Variants in HYDIN observed in about 807,000 individuals in gnomAD.
The protein encoded by HYDIN is axonemal central pair apparatus protein HYDIN.
In HYDIN, 132 loss-of-function variants were observed where a neutral mutation model predicts 403.9. The observed-to-expected ratio is 0.33, with a 90% confidence interval of 0.28 to 0.38. The LOEUF is 0.38. Ranked by LOEUF, HYDIN falls within the 10% of genes least tolerant of loss-of-function variation. HYDIN has a pLI of 1.00. For synonymous variants in HYDIN, 1,202 were observed against 1,891.7 expected (o/e 0.64, Z 9.46); for missense variants, 2,827 against 5,009.5 (o/e 0.56, Z 13.15).
At chr16:70,883,865 C>T in intron 59 of HYDIN, 55 bp downstream of exon 59, 1 of 1,561,436 alleles carries the variant, frequency 6.4e-7, no homozygotes, top group Non-Finnish European at 8.7e-7. Flanking sequence ...GCCACTGCAC[C>T]AGGTCTCAGA....
chr16:71,098,199 CTTTCTTTT>C (rs371335315), intron 10 of HYDIN, among the ~76,000 whole-genome samples: 12,244 of 133,036 alleles, frequency 0.092, 1,776 homozygotes, highest in African/African-American at 0.32. Context: ...ATAAAACTTT[CTTTCTTTT>C]TTTTTTTTTT....
At chr16:70,931,929 C>A (rs746715214) in intron 45 of HYDIN, among the ~76,000 whole-genome samples, 1 of 133,510 alleles carries the variant, frequency 7.5e-6, no homozygotes, top group Non-Finnish European at 1.6e-5. Context: ...ACAGGAGAAG[C>A]GCTTGAACCC....
intron 47 of HYDIN, among the ~76,000 whole-genome samples, chr16:70,909,845 G>A (rs2076644283): frequency 6.6e-6 from 1 of 151,420 alleles, no homozygotes; most frequent in Non-Finnish European, 1.5e-5. Flanking sequence ...ACAGGCGCCT[G>A]CCACCACGCC....
intron 71 of HYDIN, 69 bp from the exon 72 acceptor site, chr16:70,857,939 A>G (rs1165139975): frequency 6.8e-6 from 9 of 1,331,704 alleles, no homozygotes; most frequent in Non-Finnish European, 9.1e-6. Context: ...GTCCCTGGAG[A>G]CTTGTCAGCA....
chr16:70,978,310 C>T (rs534228570), intron 30 of HYDIN, among the ~76,000 whole-genome samples: 1 of 149,740 alleles, frequency 6.7e-6, no homozygotes. Context: ...TCGCCCTGTC[C>T]CCACTGTCAT....
At chr16:71,172,761 C>A (rs2086519094) in intron 5 of HYDIN, among the ~76,000 whole-genome samples, 1 of 152,110 alleles carries the variant, frequency 6.6e-6, no homozygotes, top group African/African-American at 2.4e-5. Flanking sequence ...ACATATCTTA[C>A]CATCCAGATG....
chr16:71,026,549 C>T lies in HYDIN; in HGVS notation c.3043-1023G>A, dbSNP rs1359499789. Among the ~76,000 whole-genome samples, 3 of 151,906 alleles carry T rather than the reference C, an allele frequency of 2.0e-5. No individual in the cohort carries two copies. The East Asian group carries it at 5.8e-4, about 30-fold the overall frequency. On this transcript the variant is annotated intron_variant, in intron 20 of 85. Coordinates refer to ENST00000393567, the MANE Select transcript of HYDIN (RefSeq NM_001270974.2). ...AGCTGTCAGTGTCTTGAGATAAGGG[C>T]CTGTGTTCTATTCATCTTTACATCC...
intron 12 of HYDIN, among the ~76,000 whole-genome samples, chr16:71,082,181 TTCTGACAAAGTAAAATAACAAG>T (rs2082804305): frequency 6.6e-6 from 1 of 152,080 alleles, no homozygotes; most frequent in South Asian, 2.1e-4. Context: ...AAGAAAGTAT[TTCTGACAAAGTAAAATAACAAG>T]TCAAGTCAGT....
intron 58 of HYDIN, among the ~76,000 whole-genome samples, chr16:70,886,706 T>A (rs1323325242): frequency 2.6e-5 from 4 of 152,202 alleles, no homozygotes; most frequent in Non-Finnish European, 4.4e-5. Context: ...GGGTCCACAG[T>A]TATTGGTTCT....
intron 41 of HYDIN, among the ~76,000 whole-genome samples, chr16:70,951,496 T>C (rs2078074088): frequency 6.6e-6 from 1 of 151,942 alleles, no homozygotes; most frequent in South Asian, 2.1e-4. Flanking sequence ...CTACATGCAT[T>C]ACAGCACCAT....
intron 18 of HYDIN, among the ~76,000 whole-genome samples, chr16:71,053,954 G>A (rs543230001): frequency 3.3e-5 from 5 of 152,394 alleles, no homozygotes; most frequent in Non-Finnish European, 4.4e-5. Flanking sequence ...ACAGAAAATA[G>A]ACTAAAATGT....
chr16:71,224,331 G>C (rs916093706), intron 1 of HYDIN, among the ~76,000 whole-genome samples: 1 of 152,014 alleles, frequency 6.6e-6, no homozygotes, highest in Non-Finnish European at 1.5e-5. Flanking sequence ...CTACATATTG[G>C]GCATAGTGTA....
chr16:70,916,209 C>A (rs1478618625), intron 47 of HYDIN, among the ~76,000 whole-genome samples: 1 of 152,062 alleles, frequency 6.6e-6, no homozygotes, highest in African/African-American at 2.4e-5. Context: ...TGGAGACTTC[C>A]TTCTCCCTGT....
intron 1 of HYDIN, among the ~76,000 whole-genome samples, chr16:71,215,558 T>C (rs565018488): frequency 7.4e-6 from 1 of 134,532 alleles, no homozygotes; most frequent in East Asian, 2.3e-4. Context: ...CTGTAATCAA[T>C]CTTAATGCCA....
intron 23 of HYDIN, among the ~76,000 whole-genome samples, chr16:70,999,040 G>A (rs1283767163): frequency 6.6e-6 from 1 of 152,172 alleles, no homozygotes; most frequent in Non-Finnish European, 1.5e-5. Context: ...GTGTGCTAAG[G>A]TGGAAACTGA....
At chr16:70,819,820 T>G (rs953814479) in intron 83 of HYDIN, among the ~76,000 whole-genome samples, 2 of 152,144 alleles carry the variant, frequency 1.3e-5, no homozygotes, top group Non-Finnish European at 2.9e-5. Flanking sequence ...CATTCCCTTT[T>G]TTTTTGAGAT....
intron 53 of HYDIN, among the ~76,000 whole-genome samples, chr16:70,897,489 G>C (rs1327067817): frequency 6.6e-6 from 1 of 151,344 alleles, no homozygotes; most frequent in Non-Finnish European, 1.5e-5. Flanking sequence ...CTTGAGTTTC[G>C]CCTTCTTTCT....
At chr16:71,137,728 T>C (rs1216879846) in intron 7 of HYDIN, among the ~76,000 whole-genome samples, 1 of 152,130 alleles carries the variant, frequency 6.6e-6, no homozygotes, top group African/African-American at 2.4e-5. Flanking sequence ...GCTTGATTTG[T>C]CATTCTTAAA....
At chr16:70,856,598 CT>C (rs1179010457) in intron 72 of HYDIN, among the ~76,000 whole-genome samples, 1 of 150,946 alleles carries the variant, frequency 6.6e-6, no homozygotes, top group Non-Finnish European at 1.5e-5. Context: ...TTGGCAATGC[CT>C]TTTCAGTGTA....
Sources: gnomAD v4.1 joint callset for allele counts (sites outside exome capture counted in the v4.1 genomes callset) on GRCh38, gnomAD v4.1.1 for gene constraint, MANE v1.5 for transcripts, NCBI Gene and HGNC (gene_info 2026-07-23, HGNC 2026-07-21) for gene names.